OPCML: variants seen among roughly 807,000 people sequenced by gnomAD.
OPCML encodes opioid-binding protein/cell adhesion molecule.
Under a neutral mutation model 37.8 loss-of-function variants are expected in OPCML, and 13 were observed. That is an observed-to-expected ratio of 0.34 (90% confidence interval 0.22 to 0.55). OPCML has a LOEUF of 0.55. Among genes scored for constraint, OPCML ranks in the 20% least tolerant of loss-of-function variants. The pLI is 0.91. For missense variants in OPCML, 341 were observed against 435.6 expected (o/e 0.78, Z 1.93); for synonymous variants, 176 against 168.8 (o/e 1.04, Z -0.33).
chr11:132,894,575 A>C (rs1413191956), intron 2 of OPCML, among the ~76,000 whole-genome samples: 1 of 152,198 alleles, frequency 6.6e-6, no homozygotes, highest in Non-Finnish European at 1.5e-5. Flanking sequence ...AAAGCATTAT[A>C]GTGGGATGTG....
Position 132,708,445 on chromosome 11 carries a change from T to A in OPCML, c.147-51126A>T, listed in dbSNP as rs141138715. The stretch of plus-strand genomic sequence containing the variant: ...CTCAAATGTCAATAACACTTCCATA[T>A]GTGGAGATCTTTCTAGTTAGGATGC... On this transcript the variant is annotated intron_variant, in intron 2 of 7. Coordinates refer to ENST00000524381, the MANE Select transcript of OPCML (RefSeq NM_001012393.5). Among the ~76,000 whole-genome samples the A allele has an allele frequency of 3.1e-3, 474 of 152,342 alleles. 6 individuals carry two copies. The highest frequency in any genetic ancestry group is 0.024 in the South Asian group (114 of 4,828).
At chr11:132,741,477 C>T (rs1945431118) in intron 2 of OPCML, among the ~76,000 whole-genome samples, 1 of 152,030 alleles carries the variant, frequency 6.6e-6, no homozygotes, top group African/African-American at 2.4e-5. Flanking sequence ...TGGCATGACT[C>T]GACTCTTCTT....
At chr11:132,770,687 C>A (rs1946606603) in intron 2 of OPCML, among the ~76,000 whole-genome samples, 1 of 152,130 alleles carries the variant, frequency 6.6e-6, no homozygotes, top group Admixed American at 6.6e-5. Context: ...CCTCATTGTG[C>A]CATTCGACTC....
intron 1 of OPCML, among the ~76,000 whole-genome samples, chr11:133,085,982 CCTT>C (rs78742690): frequency 0.015 from 2,286 of 152,290 alleles, 177 homozygotes; most frequent in Admixed American, 0.13. Context: ...CAGTTGAAAT[CCTT>C]CTTTGCTTTA....
intron 1 of OPCML, among the ~76,000 whole-genome samples, chr11:133,474,074 T>C (rs1947179277): frequency 6.6e-6 from 1 of 152,244 alleles, no homozygotes; most frequent in South Asian, 2.1e-4. Flanking sequence ...TTTTACATTC[T>C]ATTTTTTCCT....
In OPCML at chr11:132,828,156, T is replaced by C. The variant is rs550199292; in HGVS notation, c.146+114770A>G. Among the ~76,000 whole-genome samples the C allele has an allele frequency of 9.9e-5, 15 of 152,256 alleles. No homozygotes were observed. The South Asian group carries it at 2.7e-3, about 27-fold the overall frequency. ...AGGCCATGTGAAAATGAAAATCATATACTATATAGTCCCAACTGTATGACA... is the reference window on the plus strand; with the variant it reads ...AGGCCATGTGAAAATGAAAATCATACACTATATAGTCCCAACTGTATGACA... On this transcript the variant is annotated intron_variant, in intron 2 of 7. Coordinates refer to ENST00000524381, the MANE Select transcript of OPCML (RefSeq NM_001012393.5).
chr11:133,410,353 T>C (rs1277262826), intron 1 of OPCML, among the ~76,000 whole-genome samples: 2 of 152,274 alleles, frequency 1.3e-5, no homozygotes, highest in East Asian at 1.9e-4. Context: ...CATAAGGTCT[T>C]GGTACACTTA....
chr11:133,511,660 G>A (rs987307652), intron 1 of OPCML, among the ~76,000 whole-genome samples: 34 of 150,712 alleles, frequency 2.3e-4, no homozygotes, highest in African/African-American at 7.6e-4. Context: ...TTGTAATTGC[G>A]ACTCTCTTCC....
At chr11:132,710,697 A>G (rs1245000043) in intron 2 of OPCML, among the ~76,000 whole-genome samples, 4 of 151,852 alleles carry the variant, frequency 2.6e-5, no homozygotes, top group African/African-American at 9.7e-5. Flanking sequence ...ACAAAAAAAA[A>G]AAAAAAAATT....
rs146273700 is a variant in OPCML, at chr11:132,603,017, G to C, written c.379+54070C>G. On this transcript the variant is annotated intron_variant, in intron 3 of 7. Transcript: ENST00000524381. The stretch of plus-strand genomic sequence containing the variant: ...GAGATCAGTGTCCTCTCCTTCTTAG[G>C]CTTCTGCGTTTTCCTCATTTCTACA... 1.2e-3 allele frequency among the ~76,000 whole-genome samples: 190 copies of C among 152,264 alleles called. 1 individual carries two copies. The highest frequency in any genetic ancestry group is 4.1e-3 in the African/African-American group (171 of 41,544).
intron 7 of OPCML, among the ~76,000 whole-genome samples, chr11:132,434,544 C>T (rs375490129): frequency 1.5e-4 from 23 of 152,248 alleles, no homozygotes; most frequent in African/African-American, 5.3e-4. Flanking sequence ...TATTCATTAG[C>T]TAAGTGGTCT....
At chr11:132,441,951 A>G (rs900732432) in intron 4 of OPCML, among the ~76,000 whole-genome samples, 4 of 152,258 alleles carry the variant, frequency 2.6e-5, no homozygotes, top group African/African-American at 4.8e-5. Flanking sequence ...ATCCACAAGC[A>G]GGGTCTGTTC....
At chr11:132,498,469 T>A (rs1219678114) in intron 4 of OPCML, among the ~76,000 whole-genome samples, 6 of 152,236 alleles carry the variant, frequency 3.9e-5, no homozygotes, top group African/African-American at 1.2e-4. Flanking sequence ...AGCTACAGGT[T>A]CAGTATTATA....
At chr11:133,371,051 C>G (rs1416557312) in intron 1 of OPCML, among the ~76,000 whole-genome samples, 1 of 152,050 alleles carries the variant, frequency 6.6e-6, no homozygotes, top group African/African-American at 2.4e-5. Flanking sequence ...TACGAATGAC[C>G]AACAGGTATG....
intron 2 of OPCML, among the ~76,000 whole-genome samples, chr11:132,700,109 A>G (rs1317247160): frequency 2.0e-5 from 3 of 151,992 alleles, no homozygotes; most frequent in African/African-American, 7.2e-5. Context: ...AATTGTTCAT[A>G]GTAGTCTCTT....
rs376871658 is a variant in OPCML, at chr11:133,434,668, C to G, written c.61+97596G>C. On this transcript the variant is annotated intron_variant, in intron 1 of 7. Coordinates refer to ENST00000524381, the MANE Select transcript of OPCML (RefSeq NM_001012393.5). The stretch of plus-strand genomic sequence containing the variant: ...CTAAAAAGGTGGTCAAACTTTGGTT[C>G]TTCCAATGGGAGGGGGAAAAAGTTT... 4.0e-5 allele frequency among the ~76,000 whole-genome samples: 6 copies of G among 151,600 alleles called. No individual in the cohort carries two copies. The East Asian group carries it at 7.8e-4, about 20-fold the overall frequency.
chr11:132,794,217 T>C (rs1753032328), intron 2 of OPCML, among the ~76,000 whole-genome samples: 1 of 152,182 alleles, frequency 6.6e-6, no homozygotes, highest in Non-Finnish European at 1.5e-5. Context: ...ACTCCTATTC[T>C]ACCATAATAC....
Position 132,607,491 on chromosome 11 carries a change from C to G in OPCML, c.379+49596G>C, listed in dbSNP as rs375357904. ...CTGACTGGGCCACATTGAGTTGGGTCGGGCCTGTGGTTCCTGTATCCTTGT... is the reference window on the plus strand; with the variant it reads ...CTGACTGGGCCACATTGAGTTGGGTGGGGCCTGTGGTTCCTGTATCCTTGT... On this transcript the variant is annotated intron_variant, in intron 3 of 7. Coordinates refer to ENST00000524381, the MANE Select transcript of OPCML (RefSeq NM_001012393.5). 9.6e-4 allele frequency among the ~76,000 whole-genome samples: 146 copies of G among 152,294 alleles called. 3 individuals carry two copies. In the South Asian group the frequency reaches 0.029, roughly 31 times the overall value.
intron 1 of OPCML, among the ~76,000 whole-genome samples, chr11:133,178,853 G>A (rs1937685314): frequency 6.6e-6 from 1 of 152,170 alleles, no homozygotes; most frequent in Admixed American, 6.5e-5. Flanking sequence ...TAAGCATGCA[G>A]GGCTTACAGA....
Sources: allele counts gnomAD v4.1 joint callset (sites outside exome capture counted in the v4.1 genomes callset), GRCh38; gene constraint gnomAD v4.1.1; transcripts MANE v1.5; gene names NCBI Gene and HGNC (gene_info 2026-07-23, HGNC 2026-07-21).